The following SRRM3 variants were observed in gnomAD, a reference collection of about 807,000 sequenced individuals.
The protein encoded by SRRM3 is serine/arginine repetitive matrix 3.
In SRRM3, 27 loss-of-function variants were observed where a neutral mutation model predicts 66.2. The ratio of observed to expected loss-of-function variants is 0.41; its 90% CI spans 0.30 to 0.56. SRRM3 has a LOEUF of 0.56. SRRM3 is among the 20% of genes least tolerant of loss of function. The pLI is 0.32. For missense variants in SRRM3, 918 were observed against 991.9 expected, an observed-to-expected ratio of 0.93 and a Z score of 1.00; for synonymous variants, 391 against 414.9, an observed-to-expected ratio of 0.94 and a Z score of 0.70.
At chr7:76,260,841 C>T (rs1425285505) in intron 5 of SRRM3, 33 bp from the exon 6 acceptor site, 9 of 1,553,710 alleles carry the variant, frequency 5.8e-6, no homozygotes, top group East Asian at 2.4e-5. Context: ...CCCATCCATC[C>T]GTCTGTCCTT....
chr7:76,233,964 A>T (rs536878607), intron 1 of SRRM3, among the ~76,000 whole-genome samples: 2 of 152,024 alleles, frequency 1.3e-5, no homozygotes, highest in East Asian at 3.9e-4. Flanking sequence ...CTCTGAGGCC[A>T]GAGAGGGGAG....
intron 1 of SRRM3, among the ~76,000 whole-genome samples, chr7:76,211,967 G>A (rs1800444589): frequency 6.6e-6 from 1 of 150,412 alleles, no homozygotes; most frequent in Non-Finnish European, 1.5e-5. Context: ...GGCCTCCTGA[G>A]TAGCTGGCAC....
intron 2 of SRRM3, among the ~76,000 whole-genome samples, chr7:76,242,202 T>C (rs4358732): frequency 0.079 from 12,024 of 152,216 alleles, 1,134 homozygotes; most frequent in African/African-American, 0.22. Context: ...AAAATTTTTC[T>C]GGCTGGGCGA....
Position 76,287,029 on chromosome 7 carries a change from G to A in SRRM3, c.*1186G>A, listed in dbSNP as rs1374034001. On this transcript the variant is annotated 3_prime_UTR_variant, in exon 15 of 15. Coordinates refer to ENST00000611745, the MANE Select transcript of SRRM3 (RefSeq NM_001110199.3). ...CCCTCAGAAGGGAGGGGAGGAAAGA[G>A]ACTGAGGGCCCTGGCCTGGGGCGTC... The A allele has an allele frequency of 6.5e-6, 1 of 152,676 alleles. No homozygotes were observed. The allele number at this position is 152,676 out of a possible 1,614,324, so 9.5% of individuals were successfully genotyped here.
chr7:76,240,999 C>A (rs1167040341), intron 2 of SRRM3, among the ~76,000 whole-genome samples: 1 of 152,002 alleles, frequency 6.6e-6, no homozygotes, highest in African/African-American at 2.4e-5. Flanking sequence ...CAGGTTCAAG[C>A]GATTCGTCCT....
chr7:76,209,058 C>A (rs1235764146), intron 1 of SRRM3, among the ~76,000 whole-genome samples: 1 of 152,128 alleles, frequency 6.6e-6, no homozygotes, highest in Non-Finnish European at 1.5e-5. Flanking sequence ...ATGATTGCAC[C>A]ACTATACTCC....
At chr7:76,276,526 G>A (rs1237227783) in intron 11 of SRRM3, among the ~76,000 whole-genome samples, 1 of 152,166 alleles carries the variant, frequency 6.6e-6, no homozygotes, top group African/African-American at 2.4e-5. Flanking sequence ...GGAGCTGAGG[G>A]TAGGGATGCC....
intron 1 of SRRM3, among the ~76,000 whole-genome samples, chr7:76,209,436 G>A (rs1800377079): frequency 6.6e-6 from 1 of 152,170 alleles, no homozygotes; most frequent in South Asian, 2.1e-4. Flanking sequence ...GCCAGACAGA[G>A]AGGGCAGAGG....
chr7:76,255,012 TCAAGG>T (rs1554607470), intron 3 of SRRM3, among the ~76,000 whole-genome samples: 1 of 152,128 alleles, frequency 6.6e-6, no homozygotes. Context: ...CTGTGTGACA[TCAAGG>T]CATCACCCAG....
At chr7:76,269,348 G>A (rs868975005) in intron 11 of SRRM3, 3 of 152,124 alleles carry the variant, frequency 2.0e-5, no homozygotes, top group South Asian at 2.1e-4. Context: ...AGAGCATCCC[G>A]GGTCTCAAAC....
intron 1 of SRRM3, among the ~76,000 whole-genome samples, chr7:76,230,606 G>A (rs1395140326): frequency 2.6e-5 from 4 of 151,694 alleles, no homozygotes; most frequent in Non-Finnish European, 5.9e-5. Context: ...CTATAGTCAC[G>A]CCACTGCACT....
At chr7:76,210,289 G>T (rs1457097556) in intron 1 of SRRM3, among the ~76,000 whole-genome samples, 1 of 152,166 alleles carries the variant, frequency 6.6e-6, no homozygotes, top group South Asian at 2.1e-4. Context: ...CCCAGAGGGG[G>T]CTTCTGGGGA....
chr7:76,266,518 T>C (rs1802054608), intron 10 of SRRM3, among the ~76,000 whole-genome samples: 1 of 111,862 alleles, frequency 8.9e-6, no homozygotes, highest in South Asian at 2.3e-4. Context: ...TAAATATTTA[T>C]ATATTATATA....
rs782603397 is a variant in SRRM3 at position 76,259,914 on chromosome 7, A to G, written c.344A>G (p.Glu115Gly). The change falls in exon 4 of 15, where the codon GAG becomes GGG. Residue 115 changes from glutamate (E) to glycine (G), a missense_variant. Coordinates refer to ENST00000611745, the MANE Select transcript of SRRM3 (RefSeq NM_001110199.3). ...GTCCCTGTCGCCGGCAGTGTGGCGG[A>G]GACCCCGCGGCTGACCGAGGGCGCT... is the stretch of plus-strand genomic sequence containing the variant. ...EDRPGGHIVAETPRLTEGAEP... is the reference protein window; with the variant it reads ...EDRPGGHIVAGTPRLTEGAEP... 6.9e-5 allele frequency: 110 copies of G among 1,601,576 alleles called. No individual in the cohort carries two copies. In the South Asian group the frequency reaches 1.1e-3, roughly 17 times the overall value.
chr7:76,264,241 T>C (rs1357274903), intron 8 of SRRM3, among the ~76,000 whole-genome samples: 2 of 151,182 alleles, frequency 1.3e-5, no homozygotes, highest in African/African-American at 4.9e-5. Context: ...GATCTCAGCT[T>C]ACGCAACCTC....
intron 8 of SRRM3, among the ~76,000 whole-genome samples, chr7:76,262,542 C>G (rs2117063329): frequency 7.0e-6 from 1 of 142,384 alleles, no homozygotes; most frequent in East Asian, 2.1e-4. Flanking sequence ...AAAACAAAGT[C>G]TGGGTGTGGT....
In SRRM3 at chr7:76,239,104, C is replaced by CT. The variant is rs1378740897; in HGVS notation, c.233+3807dup. Among the ~76,000 whole-genome samples the CT allele has an allele frequency of 3.9e-5, 6 of 152,146 alleles. No individual in the cohort carries two copies. In the East Asian group the frequency reaches 1.2e-3, roughly 29 times the overall value. On this transcript the variant is annotated intron_variant, in intron 2 of 14. Coordinates refer to ENST00000611745, the MANE Select transcript of SRRM3 (RefSeq NM_001110199.3). ...CTGGAGTGAAATGGCACGATCTCGG[C>CT]TTACTGCAACCTCCACCTCCCAGGT...
chr7:76,229,689 G>A (rs78770017), intron 1 of SRRM3, among the ~76,000 whole-genome samples: 2 of 150,728 alleles, frequency 1.3e-5, no homozygotes. Context: ...TTGGGACCCA[G>A]CTTCAGAATG....
At chr7:76,272,682 A>G (rs1802243325) in intron 11 of SRRM3, among the ~76,000 whole-genome samples, 1 of 152,018 alleles carries the variant, frequency 6.6e-6, no homozygotes, top group South Asian at 2.1e-4. Flanking sequence ...AAAAAACCCT[A>G]CAGTGTCCGG....
Sources: allele counts gnomAD v4.1 joint callset (sites outside exome capture counted in the v4.1 genomes callset), GRCh38; gene constraint gnomAD v4.1.1; transcripts MANE v1.5; gene names NCBI Gene and HGNC (gene_info 2026-07-23, HGNC 2026-07-21).